SAMSN1: variants seen among roughly 807,000 people sequenced by gnomAD.
The protein encoded by SAMSN1 is SAM domain, SH3 domain and nuclear localization signals 1.
A neutral mutation model predicts 42.0 loss-of-function variants in SAMSN1; 31 were observed. That is an observed-to-expected ratio of 0.74 (90% CI 0.55 to 1.00). The LOEUF is 1.00. Among genes scored for constraint, SAMSN1 ranks in the 50% least tolerant of loss-of-function variants. The pLI, the probability that SAMSN1 is intolerant of heterozygous loss-of-function variation, is 0.00. For synonymous variants in SAMSN1, 178 were observed against 151.9 expected (o/e 1.17, Z -1.26); for missense variants, 464 against 439.4 (o/e 1.06, Z -0.50).
upstream of SAMSN1, among the ~76,000 whole-genome samples, chr21:14,584,911 A>T (rs1193542893): frequency 1.3e-5 from 2 of 152,242 alleles, no homozygotes; most frequent in Admixed American, 6.5e-5. Flanking sequence ...TCCAATCTTT[A>T]TACTCAGCTG....
At chr21:14,496,140 G>T (rs1986906762) in intron 7 of SAMSN1, 1 of 152,166 alleles carries the variant, frequency 6.6e-6, no homozygotes, top group South Asian at 2.1e-4. Context: ...TTGACAGGCA[G>T]CCATGGAAGC....
chr21:14,597,364 ATT>A (rs1432488676), intron 6 of SAMSN1, among the ~76,000 whole-genome samples: 2 of 152,168 alleles, frequency 1.3e-5, no homozygotes, highest in Admixed American at 1.3e-4. Flanking sequence ...TACAGTTTTA[ATT>A]CTGTACATAG....
chr21:14,596,744 C>T (rs1180632223), intron 6 of SAMSN1, among the ~76,000 whole-genome samples: 1 of 152,064 alleles, frequency 6.6e-6, no homozygotes, highest in Non-Finnish European at 1.5e-5. Context: ...TACCTATAGC[C>T]ATGAGAGGGA....
At chr21:14,608,941 C>T (rs1982632118) in intron 5 of SAMSN1, among the ~76,000 whole-genome samples, 1 of 152,060 alleles carries the variant, frequency 6.6e-6, no homozygotes, top group East Asian at 1.9e-4. Context: ...TACTTGCCTT[C>T]CCAAAGTTAA....
chr21:14,606,201 T>C (rs2123312389), intron 5 of SAMSN1, among the ~76,000 whole-genome samples: 1 of 152,314 alleles, frequency 6.6e-6, no homozygotes, highest in Middle Eastern at 3.4e-3. Flanking sequence ...TTTCTCTTAT[T>C]ACTAACATTG....
chr21:14,520,899 C>G (rs1195737241), intron 2 of SAMSN1, among the ~76,000 whole-genome samples: 1 of 151,936 alleles, frequency 6.6e-6, no homozygotes, highest in Admixed American at 6.6e-5. Flanking sequence ...CCTTTTCACC[C>G]GATATACCCT....
At chr21:14,512,220 C>T (rs374472798) in intron 4 of SAMSN1, among the ~76,000 whole-genome samples, 8 of 151,952 alleles carry the variant, frequency 5.3e-5, no homozygotes, top group African/African-American at 9.7e-5. Flanking sequence ...CGAGGAGCCC[C>T]GTTGACTACA....
intron 2 of SAMSN1, among the ~76,000 whole-genome samples, 161 bp downstream of exon 2, chr21:14,520,989 T>A (rs1181868946): frequency 6.6e-6 from 1 of 151,674 alleles, no homozygotes; most frequent in Admixed American, 6.6e-5. Flanking sequence ...TCCACAACAG[T>A]ACTAAATAAT....
intron 1 of SAMSN1, among the ~76,000 whole-genome samples, chr21:14,649,112 C>G (rs1331548156): frequency 1.3e-5 from 2 of 151,972 alleles, no homozygotes; most frequent in Admixed American, 6.6e-5. Context: ...GAGTTCATGT[C>G]CTTTGTAGGG....
chr21:14,504,208 CA>C (rs1198890762), intron 5 of SAMSN1, among the ~76,000 whole-genome samples: 1 of 152,008 alleles, frequency 6.6e-6, no homozygotes, highest in Non-Finnish European at 1.5e-5. Context: ...TTAACACCAT[CA>C]AAAAAATCAC....
intron 1 of SAMSN1, among the ~76,000 whole-genome samples, chr21:14,655,164 A>G (rs1270656267): frequency 2.0e-5 from 3 of 151,916 alleles, no homozygotes; most frequent in Non-Finnish European, 4.4e-5. Flanking sequence ...CAAAGTCTTG[A>G]AAATGAATAA....
intron 2 of SAMSN1, among the ~76,000 whole-genome samples, chr21:14,638,679 A>G (rs996356619): frequency 2.0e-5 from 3 of 152,216 alleles, no homozygotes; most frequent in Admixed American, 1.3e-4. Context: ...TCTAACTTCT[A>G]TGCTAAATCC....
chr21:14,653,129 G>T (rs534264870), intron 1 of SAMSN1, among the ~76,000 whole-genome samples: 1 of 152,098 alleles, frequency 6.6e-6, no homozygotes, highest in Non-Finnish European at 1.5e-5. Flanking sequence ...ACAGTTTGGA[G>T]GTTCCCCAAA....
At chr21:14,535,767 A>G (rs1010682746) in intron 1 of SAMSN1, among the ~76,000 whole-genome samples, 1 of 152,214 alleles carries the variant, frequency 6.6e-6, no homozygotes, top group African/African-American at 2.4e-5. Context: ...CATGTCAAAA[A>G]GAAAGGCCCA....
chr21:14,502,846 A>C (rs914114774), intron 5 of SAMSN1, among the ~76,000 whole-genome samples: 2 of 152,200 alleles, frequency 1.3e-5, no homozygotes, highest in African/African-American at 2.4e-5. Context: ...GATCAAGAGA[A>C]GGGCTGAAGA....
rs538833664 is a variant in SAMSN1 at position 14,514,206 on chromosome 21, ATTC to A, written c.280-1636_280-1634del. Among the ~76,000 whole-genome samples the A allele has an allele frequency of 1.6e-3, 248 of 152,274 alleles. 2 individuals carry two copies. The highest frequency in any genetic ancestry group is 0.014 in the Middle Eastern group (4 of 294). ...TGAAGTATGAGACTCTCTCTACCTG[ATTC>A]TTCTTCCTTTTCCTCATCCTTTTAC... On this transcript the variant is annotated intron_variant, in intron 3 of 7. Coordinates refer to ENST00000400566, the MANE Select transcript of SAMSN1 (RefSeq NM_022136.5).
At chr21:14,582,408 T>G in exon 2 of SAMSN1, 1 of 1,549,804 alleles carries the variant, frequency 6.5e-7, no homozygotes, top group Non-Finnish European at 8.7e-7. Context: ...TCTTCCTTCC[T>G]CCTCGTGCTA....
intron 1 of SAMSN1, among the ~76,000 whole-genome samples, chr21:14,529,174 G>A (rs908149900): frequency 6.6e-6 from 1 of 152,142 alleles, no homozygotes; most frequent in Non-Finnish European, 1.5e-5. Flanking sequence ...TTTTATTCAA[G>A]GAATATTGGT....
At chr21:14,503,043 G>T (rs1365670755) in intron 5 of SAMSN1, among the ~76,000 whole-genome samples, 1 of 152,092 alleles carries the variant, frequency 6.6e-6, no homozygotes, top group Non-Finnish European at 1.5e-5. Context: ...TTCTCTTTGT[G>T]CTATTGTAAC....
Sources: gnomAD v4.1 joint callset for allele counts (sites outside exome capture counted in the v4.1 genomes callset) on GRCh38, gnomAD v4.1.1 for gene constraint, MANE v1.5 for transcripts, NCBI Gene and HGNC (gene_info 2026-07-23, HGNC 2026-07-21) for gene names.